Variants in SYNJ2BP observed in about 807,000 individuals in gnomAD.
The protein encoded by SYNJ2BP is synaptojanin-2-binding protein.
A neutral mutation model predicts 16.9 loss-of-function variants in SYNJ2BP; 10 were observed. The ratio of observed to expected loss-of-function variants is 0.59; its 90% CI spans 0.36 to 1.00. SYNJ2BP has a LOEUF of 1.00. Among genes scored for constraint, SYNJ2BP ranks in the 50% least tolerant of loss-of-function variants. The pLI is 0.01. For missense variants in SYNJ2BP, 162 were observed against 186.7 expected, an observed-to-expected ratio of 0.87 and a Z score of 0.77; for synonymous variants, 54 against 68.4, an observed-to-expected ratio of 0.79 and a Z score of 1.04.
At chr14:70,396,971 C>T (rs968482350) in intron 1 of SYNJ2BP, among the ~76,000 whole-genome samples, 2 of 152,248 alleles carry the variant, frequency 1.3e-5, no homozygotes, top group Non-Finnish European at 1.5e-5. Flanking sequence ...CTTTGAAACA[C>T]AAAATTTTTT....
intron 2 of SYNJ2BP, among the ~76,000 whole-genome samples, chr14:70,384,027 G>A (rs187155682): frequency 2.1e-4 from 31 of 151,162 alleles, no homozygotes; most frequent in African/African-American, 6.1e-4. Context: ...GCGCGATCTC[G>A]GCTCACTGCA....
chr14:70,393,355 G>A (rs1019904224), intron 1 of SYNJ2BP, among the ~76,000 whole-genome samples: 5 of 152,332 alleles, frequency 3.3e-5, no homozygotes, highest in African/African-American at 4.8e-5. Context: ...CTGTTGGTGG[G>A]AGTGTAAATT....
intron 1 of SYNJ2BP, among the ~76,000 whole-genome samples, chr14:70,413,552 T>C (rs1006353571): frequency 9.2e-5 from 14 of 152,302 alleles, no homozygotes; most frequent in African/African-American, 3.4e-4. Context: ...GGCAGGTGAA[T>C]TGCTTGAACC....
chr14:70,385,494 G>T (rs909036604), intron 2 of SYNJ2BP, among the ~76,000 whole-genome samples: 2 of 151,960 alleles, frequency 1.3e-5, no homozygotes, highest in Admixed American at 6.6e-5. Flanking sequence ...GTAGCTGGGG[G>T]ACTACAGGCG....
At chr14:70,401,104 T>C (rs1183520566) in intron 1 of SYNJ2BP, among the ~76,000 whole-genome samples, 1 of 152,138 alleles carries the variant, frequency 6.6e-6, no homozygotes, top group African/African-American at 2.4e-5. Context: ...CTTGGGATGC[T>C]GATAAGCAGC....
In SYNJ2BP at chr14:70,372,700, T is replaced by C. The variant is rs958304468; in HGVS notation, c.*291A>G. The stretch of plus-strand genomic sequence containing the variant: ...GTATTGCCTATGGTGACAGGAAGAC[T>C]CAATCTTTCTCTCTTTGGGTTGTAG... On this transcript the variant is annotated 3_prime_UTR_variant, in exon 4 of 4. Transcript: ENST00000256366. 1 of 280,202 alleles carries C rather than the reference T, an allele frequency of 3.6e-6. No homozygotes were observed. Among genetic ancestry groups the C allele is most frequent in the Non-Finnish European group, 6.6e-6 (1 of 151,742 alleles). The allele number at this position is 280,202 out of a possible 1,614,324, so 17.4% of individuals were successfully genotyped here.
At chr14:70,388,020 A>T (rs1388491644) in intron 2 of SYNJ2BP, among the ~76,000 whole-genome samples, 1 of 152,148 alleles carries the variant, frequency 6.6e-6, no homozygotes, top group Non-Finnish European at 1.5e-5. Flanking sequence ...AAGGGCTCTG[A>T]GTCTGAAAAG....
At chr14:70,397,718 G>C (rs1015175895) in intron 1 of SYNJ2BP, among the ~76,000 whole-genome samples, 1 of 152,218 alleles carries the variant, frequency 6.6e-6, no homozygotes, top group Non-Finnish European at 1.5e-5. Flanking sequence ...TACATGAAGG[G>C]TTGCAGCTCT....
intron 2 of SYNJ2BP, among the ~76,000 whole-genome samples, chr14:70,387,968 A>G (rs1326929979): frequency 2.0e-5 from 3 of 152,182 alleles, no homozygotes; most frequent in Non-Finnish European, 2.9e-5. Context: ...CAGGTACCCA[A>G]ATCAACTGCA....
intron 1 of SYNJ2BP, among the ~76,000 whole-genome samples, chr14:70,416,317 C>T (rs965241971): frequency 2.2e-4 from 31 of 140,876 alleles, no homozygotes; most frequent in Admixed American, 1.2e-3. Context: ...TTTTTATTTT[C>T]TTTTTTTTTT....
chr14:70,393,279 G>T (rs1419589305), intron 1 of SYNJ2BP, among the ~76,000 whole-genome samples: 2 of 152,144 alleles, frequency 1.3e-5, no homozygotes, highest in Non-Finnish European at 2.9e-5. Flanking sequence ...TTGGAATGGC[G>T]ATCATTAAAA....
intron 3 of SYNJ2BP, among the ~76,000 whole-genome samples, chr14:70,375,111 T>A (rs61977544): frequency 0.05 from 7,624 of 151,804 alleles, 263 homozygotes; most frequent in Middle Eastern, 0.1. Flanking sequence ...TTAATTTGGT[T>A]GTCAAGCTTT....
At chr14:70,386,754 T>C (rs1887867742) in intron 2 of SYNJ2BP, among the ~76,000 whole-genome samples, 1 of 152,218 alleles carries the variant, frequency 6.6e-6, no homozygotes. Flanking sequence ...TTCACACATA[T>C]GACCTTTAAT....
intron 1 of SYNJ2BP, among the ~76,000 whole-genome samples, chr14:70,398,013 G>A (rs1478096505): frequency 6.6e-6 from 1 of 152,232 alleles, no homozygotes; most frequent in Non-Finnish European, 1.5e-5. Flanking sequence ...CTCTGCTAGG[G>A]AGGTCATCCC....
chr14:70,403,718 C>G (rs1888289133), intron 1 of SYNJ2BP, among the ~76,000 whole-genome samples: 1 of 152,232 alleles, frequency 6.6e-6, no homozygotes, highest in African/African-American at 2.4e-5. Context: ...CAACCAGCAG[C>G]TCTCAGGGCT....
rs137984195 is a variant in SYNJ2BP, at chr14:70,392,742, C to G, written c.65-4136G>C. ...CTATGGCATGTGACCTAGAAATCCC[C>G]CTTAAGAGTAGTTTCTAGCAAGTGT... On this transcript the variant is annotated intron_variant, in intron 1 of 3. Transcript: ENST00000256366. Among the ~76,000 whole-genome samples the G allele has an allele frequency of 6.7e-4, 102 of 152,286 alleles. 1 individual carries two copies. The highest frequency in any genetic ancestry group is 2.4e-3 in the African/African-American group (100 of 41,568).
intron 2 of SYNJ2BP, among the ~76,000 whole-genome samples, chr14:70,384,059 G>A (rs528932487): frequency 2.2e-4 from 34 of 151,740 alleles, no homozygotes; most frequent in South Asian, 1.5e-3. Flanking sequence ...CCGGGTTCAC[G>A]CCATGAAACT....
chr14:70,381,317 TAA>T lies in SYNJ2BP; in HGVS notation c.202-5548_202-5547del, dbSNP rs775549474. The stretch of plus-strand genomic sequence containing the variant: ...AGTTAAGGCTAAAGGTATTCTAATT[TAA>T]GAGACGTTATTCTAATGACTACTTT... On this transcript the variant is annotated intron_variant, in intron 2 of 3. Transcript: ENST00000256366. Among the ~76,000 whole-genome samples the T allele has an allele frequency of 2.5e-4, 38 of 152,348 alleles. 1 individual carries two copies. Among genetic ancestry groups the T allele is most frequent in the Non-Finnish European group, 4.9e-4 (33 of 68,040 alleles).
rs934868019 is a variant in SYNJ2BP, at chr14:70,368,550, T to A, written c.*4441A>T. ...TTCAATGTTCTATGATTGGTTCTCATTTAATTGATGCACCAACTGAAACAC... is the reference window on the plus strand; with the variant it reads ...TTCAATGTTCTATGATTGGTTCTCAATTAATTGATGCACCAACTGAAACAC... On this transcript the variant is annotated 3_prime_UTR_variant, in exon 4 of 4. Transcript: ENST00000256366. The A allele has an allele frequency of 6.6e-6, 1 of 152,196 alleles. No homozygotes were observed. The highest frequency in any genetic ancestry group is 2.4e-5 in the African/African-American group (1 of 41,448). 9.4% of individuals were successfully genotyped at this position (152,196 alleles called of 1,614,324 possible).
Sources: allele counts gnomAD v4.1 joint callset (sites outside exome capture counted in the v4.1 genomes callset), GRCh38; gene constraint gnomAD v4.1.1; transcripts MANE v1.5; gene names NCBI Gene and HGNC (gene_info 2026-07-23, HGNC 2026-07-21).